AJAP1: variants seen among roughly 807,000 people sequenced by gnomAD.
AJAP1 encodes the protein adherens junction-associated protein 1.
In AJAP1, 5 loss-of-function variants were observed where a neutral mutation model predicts 35.0. The observed-to-expected ratio is 0.14, with a 90% CI of 0.07 to 0.30. AJAP1 has a LOEUF of 0.30. Among genes scored for constraint, AJAP1 ranks in the 10% least tolerant of loss-of-function variants. The pLI, the probability that AJAP1 is intolerant of heterozygous loss-of-function variation, is 1.00. For missense variants in AJAP1, 586 were observed against 571.0 expected, an observed-to-expected ratio of 1.03 and a Z score of -0.27; for synonymous variants, 284 against 249.3, an observed-to-expected ratio of 1.14 and a Z score of -1.31.
At chr1:4,746,186 C>T (rs1046217188) in intron 2 of AJAP1, among the ~76,000 whole-genome samples, 9 of 152,116 alleles carry the variant, frequency 5.9e-5, no homozygotes, top group African/African-American at 7.2e-5. Flanking sequence ...ATTCCTCGGA[C>T]GGTGGCTGCA....
intron 1 of AJAP1, among the ~76,000 whole-genome samples, chr1:4,670,716 G>A (rs1379507909): frequency 6.6e-6 from 1 of 152,212 alleles, no homozygotes; most frequent in Non-Finnish European, 1.5e-5. Flanking sequence ...TTGGTCTCCA[G>A]TTTCCTATCC....
chr1:4,665,680 G>A (rs1330044685), intron 1 of AJAP1, among the ~76,000 whole-genome samples: 1 of 152,144 alleles, frequency 6.6e-6, no homozygotes, highest in Non-Finnish European at 1.5e-5. Context: ...AGGTATGGTA[G>A]CCACTGAGGT....
intron 2 of AJAP1, among the ~76,000 whole-genome samples, chr1:4,762,315 G>GAAGT (rs1317550131): frequency 6.6e-6 from 1 of 152,214 alleles, no homozygotes; most frequent in East Asian, 1.9e-4. Context: ...TCCTGCCTGA[G>GAAGT]AAGTGTCTTT....
intron 2 of AJAP1, among the ~76,000 whole-genome samples, chr1:4,727,405 T>C (rs1019254888): frequency 6.6e-6 from 1 of 152,164 alleles, no homozygotes; most frequent in Non-Finnish European, 1.5e-5. Context: ...AAAGCTAATG[T>C]CTCCCTTAAA....
Position 4,782,928 on chromosome 1 carries a change from C to G in AJAP1, c.*443C>G. 1 of 398,242 alleles carries G rather than the reference C, an allele frequency of 2.5e-6. No individual in the cohort carries two copies. The allele number at this position is 398,242 out of a possible 1,614,324, so 24.7% of individuals were successfully genotyped here. The stretch of plus-strand genomic sequence containing the variant: ...GACCCGAAAGGCTCGGCCGCAGAGC[C>G]GGGGCCCAGCGAATCACGCAGAGAA... On this transcript the variant is annotated 3_prime_UTR_variant, in exon 6 of 6. Coordinates refer to ENST00000378191, the MANE Select transcript of AJAP1 (RefSeq NM_018836.4). The surrounding 1 kb of genome is among the most constrained non-coding windows in gnomAD (Gnocchi z 5.3).
At chr1:4,660,379 TTG>T (rs1340858417) in intron 1 of AJAP1, among the ~76,000 whole-genome samples, 1 of 152,076 alleles carries the variant, frequency 6.6e-6, no homozygotes, top group Non-Finnish European at 1.5e-5. Flanking sequence ...GGCCTCCTTG[TTG>T]TGATGGAAAC....
At chr1:4,657,753 C>T (rs1039752510) in intron 1 of AJAP1, among the ~76,000 whole-genome samples, 1 of 151,166 alleles carries the variant, frequency 6.6e-6, no homozygotes, top group Non-Finnish European at 1.5e-5. Flanking sequence ...TTAGTTCCGG[C>T]CCCAGAGACG....
intron 5 of AJAP1, among the ~76,000 whole-genome samples, chr1:4,780,276 G>A (rs921110784): frequency 4.6e-5 from 7 of 151,200 alleles, no homozygotes; most frequent in African/African-American, 1.5e-4. Flanking sequence ...TTAAAACTCC[G>A]CACCCACTCA....
intron 5 of AJAP1, among the ~76,000 whole-genome samples, chr1:4,781,416 G>A (rs781524855): frequency 1.6e-4 from 25 of 152,326 alleles, no homozygotes; most frequent in Non-Finnish European, 2.6e-4. Context: ...AGGTGGGCCT[G>A]GGAATCTGTA....
At chr1:4,781,748 C>T (rs1036320949) in intron 5 of AJAP1, among the ~76,000 whole-genome samples, 6 of 152,202 alleles carry the variant, frequency 3.9e-5, no homozygotes, top group South Asian at 4.1e-4. Context: ...CAGATGGGAC[C>T]GTGACGTGTT....
intron 2 of AJAP1, among the ~76,000 whole-genome samples, chr1:4,740,639 A>G (rs2100315369): frequency 6.6e-6 from 1 of 151,790 alleles, no homozygotes; most frequent in South Asian, 2.1e-4. Context: ...ACAAAAAATT[A>G]GCCGGGTGTG....
intron 1 of AJAP1, among the ~76,000 whole-genome samples, chr1:4,659,267 TA>T (rs1301131213): frequency 2.0e-5 from 3 of 152,208 alleles, no homozygotes; most frequent in African/African-American, 7.2e-5. Context: ...ATGTAAAGAT[TA>T]GCTTGGAAAG....
intron 2 of AJAP1, among the ~76,000 whole-genome samples, chr1:4,762,257 A>G (rs150899029): frequency 0.012 from 1,850 of 152,324 alleles, 40 homozygotes; most frequent in African/African-American, 0.042. Flanking sequence ...AATTTTGCCC[A>G]AAGAAATGTC....
chr1:4,697,020 CATG>C (rs957668992), intron 1 of AJAP1, among the ~76,000 whole-genome samples: 3 of 150,712 alleles, frequency 2.0e-5, no homozygotes, highest in African/African-American at 7.3e-5. Flanking sequence ...TCTACGCACA[CATG>C]GTGTGTGTGT....
intron 1 of AJAP1, among the ~76,000 whole-genome samples, chr1:4,670,678 C>T (rs111261596): frequency 6.6e-6 from 1 of 152,236 alleles, no homozygotes; most frequent in Non-Finnish European, 1.5e-5. Flanking sequence ...CGAGCCATGA[C>T]GAGTGCAGGT....
At chr1:4,753,836 T>C (rs1057482564) in intron 2 of AJAP1, among the ~76,000 whole-genome samples, 2 of 152,232 alleles carry the variant, frequency 1.3e-5, no homozygotes, top group Non-Finnish European at 2.9e-5. Flanking sequence ...CCTTCCAAAG[T>C]GCTGGGATTA....
chr1:4,711,505 T>C (rs1373557173), intron 1 of AJAP1, among the ~76,000 whole-genome samples: 3 of 152,184 alleles, frequency 2.0e-5, no homozygotes, highest in Admixed American at 6.5e-5. Context: ...CCTCTCGTCG[T>C]GTGATGGGCA....
intron 2 of AJAP1, among the ~76,000 whole-genome samples, chr1:4,753,316 C>A (rs749677004): frequency 1.3e-5 from 2 of 152,278 alleles, no homozygotes; most frequent in African/African-American, 2.4e-5. Flanking sequence ...GCTTACTGAT[C>A]TAGGCCCAGT....
At chr1:4,700,605 C>A (rs1639965293) in intron 1 of AJAP1, among the ~76,000 whole-genome samples, 1 of 152,234 alleles carries the variant, frequency 6.6e-6, no homozygotes. Flanking sequence ...TTTTGCCAGT[C>A]TGTCCCTTTG....
Sources: allele counts gnomAD v4.1 joint callset (sites outside exome capture counted in the v4.1 genomes callset), GRCh38; gene constraint gnomAD v4.1.1; non-coding constraint Gnocchi (gnomAD v3.1); transcripts MANE v1.5; gene names NCBI Gene and HGNC (gene_info 2026-07-23, HGNC 2026-07-21).